SPSB1: variants seen among roughly 807,000 people sequenced by gnomAD.
The protein encoded by SPSB1 is SPRY domain-containing SOCS box protein 1.
Under a neutral mutation model 21.2 loss-of-function variants are expected in SPSB1, and 8 were observed. The observed-to-expected ratio is 0.38, with a 90% CI of 0.22 to 0.68. The LOEUF (loss-of-function observed/expected upper bound fraction) is 0.68, where lower values mean the gene tolerates loss of function less well. Among genes scored for constraint, SPSB1 ranks in the 30% least tolerant of loss-of-function variants. The pLI is 0.53. For missense variants in SPSB1, 242 were observed against 377.8 expected (o/e 0.64, Z 2.98); for synonymous variants, 169 against 161.7 (o/e 1.05, Z -0.34).
intron 1 of SPSB1, among the ~76,000 whole-genome samples, chr1:9,340,973 C>T (rs1314679286): frequency 6.6e-6 from 1 of 152,212 alleles, no homozygotes; most frequent in Non-Finnish European, 1.5e-5. Flanking sequence ...CAATTTCCAA[C>T]ACTGGGCTGA....
In SPSB1 at chr1:9,365,058, T is replaced by C. The variant is rs566873374; in HGVS notation, c.695-2390T>C. On this transcript the variant is annotated intron_variant, in intron 2 of 2. Coordinates refer to ENST00000328089, the MANE Select transcript of SPSB1 (RefSeq NM_025106.4). Reference sequence around the variant, plus strand: ...TTTTAGTAGAGATGAGGGTTCACCATGTTGGCCAGGCTGGTCTTGAACTCC... The same window carrying C: ...TTTTAGTAGAGATGAGGGTTCACCACGTTGGCCAGGCTGGTCTTGAACTCC... Among the ~76,000 whole-genome samples, 4 of 152,346 alleles carry C rather than the reference T, an allele frequency of 2.6e-5. No homozygotes were observed. The South Asian group carries it at 8.3e-4, about 32-fold the overall frequency.
At position 9,324,150 on chromosome 1, in the gene SPSB1, C is replaced by A. The variant is rs1379979954; in HGVS notation, c.-150+31079C>A. On this transcript the variant is annotated intron_variant, in intron 1 of 2. Transcript: ENST00000328089. The surrounding 1 kb of genome is among the most constrained non-coding windows in gnomAD (Gnocchi z 4.3). ...TTTTTTTGTGTGCCAAAGTGGGGAA[C>A]CATATTTCTGGTAGATAATCACTGG... Among the ~76,000 whole-genome samples, 1 of 152,174 alleles carries A rather than the reference C, an allele frequency of 6.6e-6. No individual in the cohort carries two copies. Among genetic ancestry groups the A allele is most frequent in the African/African-American group, 2.4e-5 (1 of 41,430 alleles).
intron 1 of SPSB1, among the ~76,000 whole-genome samples, chr1:9,316,092 C>T (rs796636039): frequency 8.5e-5 from 13 of 152,312 alleles, no homozygotes; most frequent in African/African-American, 3.1e-4. Context: ...CAGTGGTCTC[C>T]GGGTCCTGCT....
intron 1 of SPSB1, among the ~76,000 whole-genome samples, chr1:9,339,070 A>G (rs1640049217): frequency 6.6e-6 from 1 of 151,918 alleles, no homozygotes; most frequent in Non-Finnish European, 1.5e-5. Flanking sequence ...CCCCTTGGAG[A>G]CGGTGGAGCT....
chr1:9,310,234 G>A (rs554204362), intron 1 of SPSB1, among the ~76,000 whole-genome samples: 59 of 146,774 alleles, frequency 4.0e-4, no homozygotes, highest in Non-Finnish European at 7.3e-4. Flanking sequence ...TCTAGGGCCC[G>A]TGCTGGTGGG....
At chr1:9,297,160 AC>A (rs1246314716) in intron 1 of SPSB1, among the ~76,000 whole-genome samples, 2 of 152,128 alleles carry the variant, frequency 1.3e-5, no homozygotes, top group African/African-American at 4.8e-5. Context: ...TCTGAATCTG[AC>A]CTGAAGCTTA....
chr1:9,302,013 G>A (rs533327667), intron 1 of SPSB1, among the ~76,000 whole-genome samples: 54 of 152,348 alleles, frequency 3.5e-4, no homozygotes, highest in African/African-American at 1.1e-3. Context: ...CACGCTGTCC[G>A]TGTAGCACTG....
Position 9,321,657 on chromosome 1 carries a change from A to G in SPSB1, c.-150+28586A>G, listed in dbSNP as rs1022049883. Among the ~76,000 whole-genome samples, 1 of 152,016 alleles carries G rather than the reference A, an allele frequency of 6.6e-6. No individual in the cohort carries two copies. The highest frequency in any genetic ancestry group is 1.5e-5 in the Non-Finnish European group (1 of 68,002). On this transcript the variant is annotated intron_variant, in intron 1 of 2. Coordinates refer to ENST00000328089, the MANE Select transcript of SPSB1 (RefSeq NM_025106.4). The surrounding 1 kb of genome is among the most constrained non-coding windows in gnomAD (Gnocchi z 4.8). ...CGTCGACCGTGAGCTTCACCTTTAA[A>G]TAAAAAAAAAAATGCTGCTGATTGT...
At chr1:9,306,882 C>T (rs1217841989) in intron 1 of SPSB1, among the ~76,000 whole-genome samples, 1 of 151,446 alleles carries the variant, frequency 6.6e-6, no homozygotes, top group Non-Finnish European at 1.5e-5. Context: ...TGCTCTGTGA[C>T]ATTGGCTAAT....
intron 1 of SPSB1, among the ~76,000 whole-genome samples, chr1:9,339,057 C>T (rs1332562892): frequency 2.6e-5 from 4 of 152,156 alleles, no homozygotes; most frequent in Admixed American, 6.5e-5. Flanking sequence ...CCAAGGGCCG[C>T]TTCCCCTTGG....
Position 9,305,780 on chromosome 1 carries a change from T to A in SPSB1, c.-150+12709T>A, listed in dbSNP as rs1324644057. On this transcript the variant is annotated intron_variant, in intron 1 of 2. Coordinates refer to ENST00000328089, the MANE Select transcript of SPSB1 (RefSeq NM_025106.4). This position sits in a 1 kb window ranked among gnomAD's most constrained non-coding sequence, Gnocchi z 4.8. ...GAGCACCTACTGTATGCAGCCAGTC[T>A]GCTGGGGCCGAGGATACAAAGAATG... Among the ~76,000 whole-genome samples the A allele has an allele frequency of 6.6e-6, 1 of 152,218 alleles. No individual in the cohort carries two copies. Among genetic ancestry groups the A allele is most frequent in the Admixed American group, 6.5e-5 (1 of 15,278 alleles).
chr1:9,331,566 A>G (rs1278292883), intron 1 of SPSB1, among the ~76,000 whole-genome samples: 1 of 152,130 alleles, frequency 6.6e-6, no homozygotes, highest in Admixed American at 6.5e-5. Context: ...TCCTGACCTC[A>G]GTTGATCCAC....
chr1:9,322,291 T>G (rs780154502), intron 1 of SPSB1, among the ~76,000 whole-genome samples: 1 of 152,204 alleles, frequency 6.6e-6, no homozygotes, highest in Non-Finnish European at 1.5e-5. Context: ...AGCCTCGGTT[T>G]GCAGGTGGGG....
At chr1:9,294,229 T>C (rs564008356) in intron 1 of SPSB1, among the ~76,000 whole-genome samples, 1 of 151,966 alleles carries the variant, frequency 6.6e-6, no homozygotes, top group African/African-American at 2.4e-5. Context: ...TCTTTGCGTG[T>C]GTGTGTCTTT....
intron 1 of SPSB1, among the ~76,000 whole-genome samples, chr1:9,313,595 C>T (rs1035354132): frequency 6.6e-6 from 1 of 151,938 alleles, no homozygotes; most frequent in African/African-American, 2.4e-5. Context: ...TGGGCCCGGG[C>T]TGCTGGGGGA....
At position 9,356,996 on chromosome 1, in the gene SPSB1, G is replaced by A. The variant is rs531033325; in HGVS notation, c.694+411G>A. ...GATGTGGGTGGATGGGTGGGTAGGGGGTGGATGAGTGTTTAGATTGATGGA... is the reference window on the plus strand; with the variant it reads ...GATGTGGGTGGATGGGTGGGTAGGGAGTGGATGAGTGTTTAGATTGATGGA... On this transcript the variant is annotated intron_variant, in intron 2 of 2. Transcript: ENST00000328089. The surrounding 1 kb of genome is among the most constrained non-coding windows in gnomAD (Gnocchi z 7.4). 6.6e-6 allele frequency among the ~76,000 whole-genome samples: 1 copy of A among 152,146 alleles called. No homozygotes were observed. The highest frequency in any genetic ancestry group is 1.5e-5 in the Non-Finnish European group (1 of 68,012).
intron 1 of SPSB1, among the ~76,000 whole-genome samples, chr1:9,352,840 T>G: frequency 2.6e-5 from 1 of 37,744 alleles, no homozygotes; most frequent in African/African-American, 1.1e-4. Context: ...CTCCCCTCCC[T>G]CCCCCAGCCT....
chr1:9,347,257 G>A (rs1465994006), intron 1 of SPSB1, among the ~76,000 whole-genome samples: 5 of 152,206 alleles, frequency 3.3e-5, no homozygotes, highest in South Asian at 4.1e-4. Context: ...TACACATTAC[G>A]CTGTGCTTGC....
chr1:9,329,559 T>C (rs1434017081), intron 1 of SPSB1, among the ~76,000 whole-genome samples: 1 of 151,922 alleles, frequency 6.6e-6, no homozygotes, highest in Non-Finnish European at 1.5e-5. Flanking sequence ...TTAGGCACAG[T>C]GGCATGCGCC....
Sources: allele counts gnomAD v4.1 joint callset (sites outside exome capture counted in the v4.1 genomes callset), GRCh38; gene constraint gnomAD v4.1.1; non-coding constraint Gnocchi (gnomAD v3.1); transcripts MANE v1.5; gene names NCBI Gene and HGNC (gene_info 2026-07-23, HGNC 2026-07-21).